The following PITPNC1 variants were observed in gnomAD, a reference collection of about 807,000 sequenced individuals.
The protein encoded by PITPNC1 is phosphatidylinositol transfer protein cytoplasmic 1.
PITPNC1 carries 18 observed loss-of-function variants against 44.7 expected under a neutral mutation model. The observed-to-expected ratio is 0.40, with a 90% CI of 0.28 to 0.60. The LOEUF is 0.60. PITPNC1 is among the 20% of genes least tolerant of loss of function. The pLI is 0.39. For synonymous variants in PITPNC1, 141 were observed against 149.6 expected (o/e 0.94, Z 0.42); for missense variants, 290 against 418.4 (o/e 0.69, Z 2.68).
chr17:67,561,468 A>AG (rs1568041082), intron 4 of PITPNC1, among the ~76,000 whole-genome samples: 1 of 151,782 alleles, frequency 6.6e-6, no homozygotes, highest in Non-Finnish European at 1.5e-5. Flanking sequence ...AAAAAAAAAA[A>AG]GGGAATGCAG....
At chr17:67,413,937 A>G (rs1366861041) in intron 1 of PITPNC1, among the ~76,000 whole-genome samples, 1 of 152,178 alleles carries the variant, frequency 6.6e-6, no homozygotes, top group African/African-American at 2.4e-5. Context: ...CCCCAGGGAC[A>G]AGCGTTCCAG....
In PITPNC1 at chr17:67,450,711, C is replaced by T. The variant is rs534255227; in HGVS notation, c.48+72509C>T. 7.9e-5 allele frequency among the ~76,000 whole-genome samples: 12 copies of T among 152,288 alleles called. No homozygotes were observed. The South Asian group carries it at 2.3e-3, about 29-fold the overall frequency. ...CAGAGTGCTGGGAAGGTGTGAGCCA[C>T]CATGCTCGGCCCATTTTAAGCATTG... On this transcript the variant is annotated intron_variant, in intron 1 of 8. Coordinates refer to ENST00000581322, the MANE Select transcript of PITPNC1 (RefSeq NM_012417.4).
rs11417487 is a variant in PITPNC1, at chr17:67,618,364, C to CAAAA, written c.367-13760_367-13757dup. ...TGGGTGAGAGAGCGAGACTCCGTCT[C>CAAAA]AAAAAAAAAAAAAAAAAAAAAAGAT... On this transcript the variant is annotated intron_variant, in intron 5 of 8. Coordinates refer to ENST00000581322, the MANE Select transcript of PITPNC1 (RefSeq NM_012417.4). Among the ~76,000 whole-genome samples, 507 of 76,016 alleles carry CAAAA rather than the reference C, an allele frequency of 6.7e-3. 18 individuals are homozygous for CAAAA. The highest frequency in any genetic ancestry group is 0.019 in the African/African-American group (385 of 20,386). 49.9% of individuals were successfully genotyped at this position (76,016 alleles called of 152,430 possible).
At chr17:67,423,733 C>T (rs1312961259) in intron 1 of PITPNC1, among the ~76,000 whole-genome samples, 1 of 152,066 alleles carries the variant, frequency 6.6e-6, no homozygotes, top group Non-Finnish European at 1.5e-5. Context: ...AAGAAAGTTG[C>T]TAAAGAAAAG....
At chr17:67,434,959 A>G (rs2038914899) in intron 1 of PITPNC1, among the ~76,000 whole-genome samples, 1 of 151,642 alleles carries the variant, frequency 6.6e-6, no homozygotes, top group Non-Finnish European at 1.5e-5. Context: ...AAATACAAAA[A>G]TTAGCTGGGC....
chr17:67,507,495 G>T (rs1246844651), intron 1 of PITPNC1, among the ~76,000 whole-genome samples: 2 of 151,872 alleles, frequency 1.3e-5, no homozygotes, highest in Admixed American at 6.6e-5. Context: ...GACCAGCCTG[G>T]TCAACATGGT....
chr17:67,493,619 A>C (rs973285444), intron 1 of PITPNC1, among the ~76,000 whole-genome samples: 1 of 152,156 alleles, frequency 6.6e-6, no homozygotes, highest in Non-Finnish European at 1.5e-5. Context: ...GCTGCTTTGG[A>C]TTTGCCTGAT....
At chr17:67,385,031 G>A (rs996541341) in intron 1 of PITPNC1, among the ~76,000 whole-genome samples, 5 of 152,238 alleles carry the variant, frequency 3.3e-5, no homozygotes, top group Admixed American at 6.5e-5. Context: ...TGTTGAGAAG[G>A]GACCAAGGTC....
intron 8 of PITPNC1, among the ~76,000 whole-genome samples, chr17:67,675,831 C>G (rs1006187638): frequency 1.3e-5 from 2 of 152,190 alleles, no homozygotes; most frequent in Non-Finnish European, 2.9e-5. Flanking sequence ...CAAACCCATC[C>G]TAATTTATCC....
chr17:67,639,998 G>A (rs962060574), intron 6 of PITPNC1, among the ~76,000 whole-genome samples: 4 of 151,962 alleles, frequency 2.6e-5, no homozygotes, highest in Admixed American at 1.3e-4. Flanking sequence ...AAGATTTTCC[G>A]TTACCTCTAA....
At chr17:67,610,409 A>T (rs913959730) in intron 5 of PITPNC1, among the ~76,000 whole-genome samples, 1 of 152,236 alleles carries the variant, frequency 6.6e-6, no homozygotes, top group Non-Finnish European at 1.5e-5. Context: ...CGAAAATTAC[A>T]TTGGAAATTG....
chr17:67,496,455 G>T (rs992551886), intron 1 of PITPNC1, among the ~76,000 whole-genome samples: 3 of 152,148 alleles, frequency 2.0e-5, no homozygotes, highest in African/African-American at 4.8e-5. Context: ...AAAGGTTATT[G>T]CTCGTCTTAG....
chr17:67,487,814 C>T (rs1429367711), intron 1 of PITPNC1, among the ~76,000 whole-genome samples: 1 of 152,152 alleles, frequency 6.6e-6, no homozygotes, highest in East Asian at 1.9e-4. Flanking sequence ...CCAGAGTTCA[C>T]ACACTTGGGG....
intron 1 of PITPNC1, among the ~76,000 whole-genome samples, chr17:67,389,396 A>G (rs1023273574): frequency 3.9e-5 from 6 of 152,160 alleles, no homozygotes; most frequent in Non-Finnish European, 5.9e-5. Context: ...TTGAATCTGG[A>G]AAACAGGGCT....
At chr17:67,379,521 T>G (rs1233366541) in intron 1 of PITPNC1, 1 of 280,336 alleles carries the variant, frequency 3.6e-6, no homozygotes, top group Non-Finnish European at 5.4e-6. Context: ...GTTTTGGAGT[T>G]CGTTGGCATT....
chr17:67,660,966 C>T (rs2042337619), intron 6 of PITPNC1, among the ~76,000 whole-genome samples: 1 of 151,318 alleles, frequency 6.6e-6, no homozygotes, highest in Non-Finnish European at 1.5e-5. Flanking sequence ...TCAAGCAATT[C>T]TCTTCCCTCA....
intron 8 of PITPNC1, among the ~76,000 whole-genome samples, chr17:67,685,636 T>G (rs1193389496): frequency 2.0e-5 from 3 of 152,236 alleles, no homozygotes; most frequent in Non-Finnish European, 2.9e-5. Context: ...GTAAAGAGCA[T>G]GAAGTTCCGC....
rs567683144 is a variant in PITPNC1, at chr17:67,490,757, G to C, written c.49-42045G>C. On this transcript the variant is annotated intron_variant, in intron 1 of 8. Coordinates refer to ENST00000581322, the MANE Select transcript of PITPNC1 (RefSeq NM_012417.4). ...GAGTTGGGGGCTTTGTCAGTCACGA[G>C]AGAACATAGCACAGGACTCTGGGTC... 9.2e-5 allele frequency among the ~76,000 whole-genome samples: 14 copies of C among 152,332 alleles called. No individual in the cohort carries two copies. The South Asian group carries it at 2.7e-3, about 29-fold the overall frequency.
chr17:67,694,060 G>A lies in PITPNC1; in HGVS notation c.*1172G>A, dbSNP rs2042972218. The A allele has an allele frequency of 3.3e-5, 5 of 152,246 alleles. No homozygotes were observed. The highest frequency in any genetic ancestry group is 7.3e-5 in the Non-Finnish European group (5 of 68,048). The allele number at this position is 152,246 out of a possible 1,614,324, so 9.4% of individuals were successfully genotyped here. A position where few individuals can be genotyped will look rare whatever the true frequency, so the allele number is the denominator to read the frequency against. ...CTCCTATTTGTAGAGTGAAAAGGAG[G>A]AGTGATAATAGATGCCCTTCTGTCT... On this transcript the variant is annotated 3_prime_UTR_variant, in exon 9 of 9. Transcript: ENST00000581322.
Sources: gnomAD v4.1 joint callset for allele counts (sites outside exome capture counted in the v4.1 genomes callset) on GRCh38, gnomAD v4.1.1 for gene constraint, MANE v1.5 for transcripts, NCBI Gene and HGNC (gene_info 2026-07-23, HGNC 2026-07-21) for gene names.